COL9A1: variants seen among roughly 807,000 people sequenced by gnomAD.
COL9A1 encodes collagen alpha-1(IX) chain.
In COL9A1, 104 loss-of-function variants were observed where a neutral mutation model predicts 142.6. The ratio of observed to expected loss-of-function variants is 0.73; its 90% CI spans 0.62 to 0.86. The LOEUF (loss-of-function observed/expected upper bound fraction) is 0.86, where lower values mean the gene tolerates loss of function less well. Ranked by LOEUF, COL9A1 falls within the 40% of genes least tolerant of loss-of-function variation. COL9A1 has a pLI of 0.00. For synonymous variants in COL9A1, 466 were observed against 396.0 expected (o/e 1.18, Z -2.10); for missense variants, 1,210 against 1,176.6 (o/e 1.03, Z -0.42).
chr6:70,260,822 C>G, intron 19 of COL9A1, 112 bp from the exon 20 acceptor site: 1 of 935,748 alleles, frequency 1.1e-6, no homozygotes, highest in Middle Eastern at 2.2e-4. Context: ...AAAGGTAATA[C>G]CAAGAAATAG....
At chr6:70,281,961 G>A (rs1773193701) in intron 7 of COL9A1, among the ~76,000 whole-genome samples, 1 of 152,162 alleles carries the variant, frequency 6.6e-6, no homozygotes, top group Non-Finnish European at 1.5e-5. Context: ...TTTGGGAGGA[G>A]TAGGGCAGGG....
In COL9A1 at chr6:70,253,444, A is replaced by G. The variant is rs1324517145; in HGVS notation, c.1720-15T>C. 1 of 1,594,206 alleles carries G rather than the reference A, an allele frequency of 6.3e-7. No homozygotes were observed. Among genetic ancestry groups the G allele is most frequent in the Non-Finnish European group, 8.6e-7 (1 of 1,162,524 alleles). On this transcript the variant is annotated splice_polypyrimidine_tract_variant and intron_variant, in intron 25 of 37. Transcript: ENST00000357250. ...CCAGGTACACCCTAAAAGAATACAT[A>G]CACAATCCTAGTTTAATCACCTCCT... is the stretch of plus-strand genomic sequence containing the variant.
At chr6:70,264,792 T>C (rs1041936590) in intron 18 of COL9A1, among the ~76,000 whole-genome samples, 71 of 152,236 alleles carry the variant, frequency 4.7e-4, no homozygotes, top group Non-Finnish European at 2.5e-4. Flanking sequence ...CTGTATGATG[T>C]TACAAATACC....
intron 2 of COL9A1, 71 bp downstream of exon 2, chr6:70,301,930 T>C (rs1774077960): frequency 2.3e-6 from 3 of 1,277,994 alleles, no homozygotes; most frequent in African/African-American, 1.5e-5. Context: ...CAGTCTTCAG[T>C]CAGCCACAGC....
At chr6:70,274,197 TA>T (rs1222175958) in intron 11 of COL9A1, 115 bp from the exon 12 acceptor site, 28 of 737,786 alleles carry the variant, frequency 3.8e-5, no homozygotes, top group Middle Eastern at 3.0e-4. Context: ...TTTTTTTTTT[TA>T]AATTTCCAAC....
chr6:70,271,969 C>T, intron 13 of COL9A1, 96 bp downstream of exon 13: 3 of 1,268,468 alleles, frequency 2.4e-6, no homozygotes, highest in Non-Finnish European at 3.4e-6. Context: ...CTGTAAACAC[C>T]ACTGAGTAGA....
intron 21 of COL9A1, among the ~76,000 whole-genome samples, chr6:70,255,832 ACG>A (rs1771252281): frequency 2.5e-4 from 12 of 48,960 alleles, no homozygotes; most frequent in African/African-American, 7.5e-4. Context: ...ATGTTGATAT[ACG>A]TGATATACGC....
At chr6:70,239,138 C>CAA (rs34540808) in intron 33 of COL9A1, 116 bp downstream of exon 33, 1,284 of 638,752 alleles carry the variant, frequency 2.0e-3, no homozygotes, top group Middle Eastern at 3.8e-3. Flanking sequence ...GACTCCATCT[C>CAA]AAAAAAAAAA....
intron 28 of COL9A1, among the ~76,000 whole-genome samples, chr6:70,249,124 T>C (rs1216431325): frequency 1.3e-5 from 2 of 151,692 alleles, no homozygotes; most frequent in Non-Finnish European, 2.9e-5. Flanking sequence ...AACAGGGAGG[T>C]TAATGGACAG....
intron 28 of COL9A1, 38 bp from the exon 29 acceptor site, chr6:70,242,753 C>T (rs1393375156): frequency 6.3e-7 from 1 of 1,585,420 alleles, no homozygotes; most frequent in Admixed American, 1.7e-5. Flanking sequence ...GATATTTTGC[C>T]AAAATTCAAA....
In COL9A1 at chr6:70,273,975, A is replaced by AT. The variant is rs36083218; in HGVS notation, c.1065+71_1065+72insA. On this transcript the variant is annotated intron_variant, in intron 12 of 37. Transcript: ENST00000357250. ...AATAAATAAATAAATAAATAAATAA[A>AT]AAGATTTCACAATGGCAGAATTTTA... is the stretch of plus-strand genomic sequence containing the variant. 5.9e-5 allele frequency: 49 copies of AT among 834,584 alleles called. 1 individual carries two copies. Among genetic ancestry groups the AT allele is most frequent in the African/African-American group, 3.6e-5 (2 of 55,022 alleles). 51.7% of individuals were successfully genotyped at this position (834,584 alleles called of 1,614,324 possible). A position where few individuals can be genotyped will look rare whatever the true frequency, so the allele number is the denominator to read the frequency against.
intron 37 of COL9A1, among the ~76,000 whole-genome samples, chr6:70,218,264 T>A (rs476863): frequency 0.34 from 52,395 of 152,104 alleles, 9,230 homozygotes; most frequent in East Asian, 0.44. Context: ...GCCCTACAAA[T>A]TTTCATATTT....
intron 15 of COL9A1, 147 bp downstream of exon 15, chr6:70,270,167 T>C: frequency 1.4e-6 from 1 of 735,530 alleles, no homozygotes; most frequent in South Asian, 1.6e-5. Flanking sequence ...AACAGAACCA[T>C]GCCCTTGAGT....
At chr6:70,273,972 TA>T in intron 12 of COL9A1, 74 bp downstream of exon 12, 1 of 699,230 alleles carries the variant, frequency 1.4e-6, no homozygotes, top group Non-Finnish European at 2.1e-6. Flanking sequence ...AATAAATAAA[TA>T]AAAAGATTTC....
chr6:70,232,654 C>T lies in COL9A1; in HGVS notation c.2432G>A (p.Gly811Asp), dbSNP rs1344239702. ...PGPPGENGFP[G>D]QMGIRGLPGI... The stretch of plus-strand genomic sequence containing the variant: ...CGGAAGGCCACGAATTCCCATCTGG[C>T]CTGGGAAACCATTCTCTCCAGGAGG... The change falls in exon 36 of 38, where the codon GGC becomes GAC. Residue 811 changes from glycine (G) to aspartate (D), a missense_variant. Transcript: ENST00000357250. 2 of 1,614,000 alleles carry T rather than the reference C, an allele frequency of 1.2e-6. No individual in the cohort carries two copies. Among genetic ancestry groups the T allele is most frequent in the Non-Finnish European group, 1.7e-6 (2 of 1,180,042 alleles).
At position 70,276,203 on chromosome 6, in the gene COL9A1, C is replaced by T. The variant is rs112074124; in HGVS notation, c.976-1431G>A. On this transcript the variant is annotated intron_variant, in intron 10 of 37. Coordinates refer to ENST00000357250, the MANE Select transcript of COL9A1 (RefSeq NM_001851.6). ...GAACAAACCTCAACATGATTAGTTG[C>T]TAAGCACCTATGGTAATGAAATGTT... Among the ~76,000 whole-genome samples the T allele has an allele frequency of 2.9e-3, 447 of 152,256 alleles. 2 individuals are homozygous for T. The highest frequency in any genetic ancestry group is 0.01 in the African/African-American group (421 of 41,552).
Position 70,224,281 on chromosome 6 carries a change from G to A in COL9A1, c.2581+1651C>T, listed in dbSNP as rs761304297. ...GCCCCTCTGACTGACTGTGTGCCCCGTTTGCGCCCCCCATCAACTTGGCTC... is the reference window on the plus strand; with the variant it reads ...GCCCCTCTGACTGACTGTGTGCCCCATTTGCGCCCCCCATCAACTTGGCTC... On this transcript the variant is annotated intron_variant, in intron 37 of 37. Transcript: ENST00000357250. Among the ~76,000 whole-genome samples the A allele has an allele frequency of 4.6e-5, 7 of 152,092 alleles. No individual in the cohort carries two copies. In the South Asian group the frequency reaches 6.2e-4, roughly 14 times the overall value.
chr6:70,282,829 C>T (rs1773248751), intron 7 of COL9A1, 69 bp downstream of exon 7: 4 of 1,611,242 alleles, frequency 2.5e-6, no homozygotes, highest in Non-Finnish European at 2.5e-6. Flanking sequence ...ACAGCTCCCT[C>T]GACCGCTGCG....
chr6:70,226,594 TAA>T (rs1338017209), intron 36 of COL9A1, among the ~76,000 whole-genome samples: 4 of 151,824 alleles, frequency 2.6e-5, no homozygotes, highest in Non-Finnish European at 4.4e-5. Context: ...CAACCAGTAA[TAA>T]GACATAGTAA....
Sources: allele counts gnomAD v4.1 joint callset (sites outside exome capture counted in the v4.1 genomes callset), GRCh38; gene constraint gnomAD v4.1.1; transcripts MANE v1.5; gene names NCBI Gene and HGNC (gene_info 2026-07-23, HGNC 2026-07-21).